PRKAR2B: variants seen among roughly 807,000 people sequenced by gnomAD.
PRKAR2B encodes cAMP-dependent protein kinase type II-beta regulatory subunit.
In PRKAR2B, 14 loss-of-function variants were observed where a neutral mutation model predicts 49.9. The observed-to-expected ratio is 0.28, with a 90% confidence interval of 0.19 to 0.44. The LOEUF is 0.44. Among genes scored for constraint, PRKAR2B ranks in the 20% least tolerant of loss-of-function variants. PRKAR2B has a pLI of 1.00. For missense variants in PRKAR2B, 393 were observed against 537.9 expected (o/e 0.73, Z 2.67); for synonymous variants, 196 against 197.7 (o/e 0.99, Z 0.07).
chr7:107,158,737 G>A (rs539166678), intron 10 of PRKAR2B, among the ~76,000 whole-genome samples: 3 of 152,092 alleles, frequency 2.0e-5, no homozygotes, highest in Non-Finnish European at 4.4e-5. Context: ...TACACTACTA[G>A]CAGTGCCATA....
At chr7:107,146,620 T>G (rs3729877) in intron 6 of PRKAR2B, among the ~76,000 whole-genome samples, 159 bp downstream of exon 6, 128,050 of 152,212 alleles carry the variant, frequency 0.84, 54,051 homozygotes, top group East Asian at 0.93. Context: ...CACTAAGACT[T>G]CACTAAGTCA....
chr7:107,098,504 G>T (rs573936316), intron 2 of PRKAR2B, among the ~76,000 whole-genome samples: 2 of 152,218 alleles, frequency 1.3e-5, no homozygotes, highest in South Asian at 2.1e-4. Context: ...GTCTGAAGCC[G>T]CCTTCTCTCA....
intron 2 of PRKAR2B, among the ~76,000 whole-genome samples, chr7:107,080,982 G>A (rs1177664731): frequency 6.6e-6 from 1 of 152,154 alleles, no homozygotes; most frequent in East Asian, 1.9e-4. Context: ...GAGAATGCAG[G>A]CAAAGCTTTT....
intron 2 of PRKAR2B, among the ~76,000 whole-genome samples, chr7:107,079,239 A>G (rs951677107): frequency 1.3e-5 from 2 of 152,150 alleles, no homozygotes; most frequent in Non-Finnish European, 2.9e-5. Context: ...GCAGACCAGC[A>G]CTTTTGAGAA....
intron 4 of PRKAR2B, among the ~76,000 whole-genome samples, chr7:107,135,999 A>C (rs1795695450): frequency 6.6e-6 from 1 of 152,194 alleles, no homozygotes; most frequent in South Asian, 2.1e-4. Flanking sequence ...TAATCAGTGG[A>C]ACAGAACAGA....
At chr7:107,105,832 G>T (rs544688197) in intron 2 of PRKAR2B, among the ~76,000 whole-genome samples, 1 of 152,134 alleles carries the variant, frequency 6.6e-6, no homozygotes. Context: ...ACACTTCCTC[G>T]AGATGGATAA....
intron 10 of PRKAR2B, 36 bp from the exon 11 acceptor site, chr7:107,159,413 G>T: frequency 1.9e-6 from 3 of 1,608,664 alleles, no homozygotes; most frequent in Admixed American, 3.4e-5. Context: ...GATTTGCAAA[G>T]AATGTTATTT....
At chr7:107,085,471 A>C (rs909830907) in intron 2 of PRKAR2B, among the ~76,000 whole-genome samples, 9 of 152,218 alleles carry the variant, frequency 5.9e-5, no homozygotes, top group African/African-American at 2.2e-4. Flanking sequence ...ATCATTAAAA[A>C]ACTTTTATTA....
intron 1 of PRKAR2B, among the ~76,000 whole-genome samples, chr7:107,050,158 G>A (rs1468247432): frequency 1.3e-5 from 2 of 152,058 alleles, no homozygotes; most frequent in African/African-American, 2.4e-5. Flanking sequence ...AGAAGGGAAA[G>A]GGGGAGGGAG....
intron 1 of PRKAR2B, among the ~76,000 whole-genome samples, chr7:107,064,400 G>A (rs569058261): frequency 1.3e-5 from 2 of 152,138 alleles, no homozygotes; most frequent in African/African-American, 2.4e-5. Context: ...AAGGAGCATC[G>A]ATATTTCGTC....
chr7:107,052,547 A>G (rs1416690440), intron 1 of PRKAR2B, among the ~76,000 whole-genome samples: 1 of 152,202 alleles, frequency 6.6e-6, no homozygotes, highest in African/African-American at 2.4e-5. Context: ...CACATATGTG[A>G]TTTAGTCTTC....
At position 107,069,158 on chromosome 7, in the gene PRKAR2B, A is replaced by G. The variant is rs145415021; in HGVS notation, c.308-1123A>G. Among the ~76,000 whole-genome samples the G allele has an allele frequency of 8.6e-3, 1,303 of 151,720 alleles. 21 individuals are homozygous for G. Among genetic ancestry groups the G allele is most frequent in the African/African-American group, 0.029 (1,203 of 41,354 alleles). On this transcript the variant is annotated intron_variant, in intron 1 of 10. Coordinates refer to ENST00000265717, the MANE Select transcript of PRKAR2B (RefSeq NM_002736.3). ...CTCATGTTGGCCATGCTGGTCTCAA[A>G]CTCCTCACCTCAGGTGATCTGCCCA...
chr7:107,115,978 C>T (rs1795265246), intron 2 of PRKAR2B, among the ~76,000 whole-genome samples: 1 of 152,180 alleles, frequency 6.6e-6, no homozygotes, highest in Non-Finnish European at 1.5e-5. Flanking sequence ...ACCAAGTACT[C>T]ACTCTCCTGA....
Position 107,078,063 on chromosome 7 carries a change from G to A in PRKAR2B, c.343+7747G>A, listed in dbSNP as rs112953061. The A allele has an allele frequency of 4.6e-5, 7 of 152,002 alleles. No individual in the cohort carries two copies. The South Asian group carries it at 1.2e-3, about 27-fold the overall frequency. The allele number at this position is 152,002 out of a possible 1,614,324, so 9.4% of individuals were successfully genotyped here. On this transcript the variant is annotated intron_variant, in intron 2 of 10. Transcript: ENST00000265717. ...CTAAAAATATAAAAATTAGCTGGGCGTTGTGGCGTGTGCCTGTAGTCTCAG... is the reference window on the plus strand; with the variant it reads ...CTAAAAATATAAAAATTAGCTGGGCATTGTGGCGTGTGCCTGTAGTCTCAG...
rs1158369213 is a variant in PRKAR2B at position 107,161,305 on chromosome 7, G to C, written c.*1723G>C. 1 of 152,338 alleles carries C rather than the reference G, an allele frequency of 6.6e-6. No individual in the cohort carries two copies. The highest frequency in any genetic ancestry group is 2.4e-5 in the African/African-American group (1 of 41,400). The allele number at this position is 152,338 out of a possible 1,614,324, so 9.4% of individuals were successfully genotyped here. A position where few individuals can be genotyped will look rare whatever the true frequency, so the allele number is the denominator to read the frequency against. ...AACACAAAAGAACTCCAGATTCCTGGTTCATCATTCTGTATTCTTACTCAC... is the reference window on the plus strand; with the variant it reads ...AACACAAAAGAACTCCAGATTCCTGCTTCATCATTCTGTATTCTTACTCAC... On this transcript the variant is annotated 3_prime_UTR_variant, in exon 11 of 11. Transcript: ENST00000265717.
chr7:107,144,893 A>C (rs1795862037), intron 5 of PRKAR2B, among the ~76,000 whole-genome samples: 1 of 148,576 alleles, frequency 6.7e-6, no homozygotes, highest in Non-Finnish European at 1.5e-5. Context: ...ATCTGCCCTC[A>C]CAGGTGCAAG....
At chr7:107,073,470 C>T (rs1295216284) in intron 2 of PRKAR2B, among the ~76,000 whole-genome samples, 1 of 152,066 alleles carries the variant, frequency 6.6e-6, no homozygotes, top group African/African-American at 2.4e-5. Context: ...TTACTTGGTA[C>T]AGGAGTGGAA....
intron 1 of PRKAR2B, among the ~76,000 whole-genome samples, chr7:107,066,247 A>G (rs1794139759): frequency 6.6e-6 from 1 of 150,872 alleles, no homozygotes; most frequent in South Asian, 2.1e-4. Context: ...CAGGCATACA[A>G]TATGTTTCCT....
At position 107,156,973 on chromosome 7, in the gene PRKAR2B, G is replaced by T. The variant is rs374633787; in HGVS notation, c.919-11G>T. On this transcript the variant is annotated splice_polypyrimidine_tract_variant and intron_variant, in intron 8 of 10. Transcript: ENST00000265717. ...ATTTTCACCGTCTGTTTTTGTTATT[G>T]ATTCCAATAGGGAGATTCGGCTGAT... 8 of 1,600,018 alleles carry T rather than the reference G, an allele frequency of 5.0e-6. No individual in the cohort carries two copies. In the African/African-American group the frequency reaches 9.4e-5, roughly 19 times the overall value.
Sources: allele counts gnomAD v4.1 joint callset (sites outside exome capture counted in the v4.1 genomes callset), GRCh38; gene constraint gnomAD v4.1.1; transcripts MANE v1.5; gene names NCBI Gene and HGNC (gene_info 2026-07-23, HGNC 2026-07-21).